CTNNA3: variants seen among roughly 807,000 people sequenced by gnomAD.
The protein encoded by CTNNA3 is catenin alpha 3, also known as catenin alpha-3.
Under a neutral mutation model 95.7 loss-of-function variants are expected in CTNNA3, and 76 were observed. The observed-to-expected ratio is 0.79, with a 90% CI of 0.66 to 0.96. The LOEUF is 0.96. Ranked by LOEUF, CTNNA3 falls within the 40% of genes least tolerant of loss-of-function variation. CTNNA3 has a pLI of 0.00. For missense variants in CTNNA3, 1,191 were observed against 1,089.8 expected (o/e 1.09, Z -1.31); for synonymous variants, 431 against 374.4 (o/e 1.15, Z -1.74).
At chr10:66,100,385 A>G (rs2081573643) in intron 14 of CTNNA3, among the ~76,000 whole-genome samples, 1 of 152,186 alleles carries the variant, frequency 6.6e-6, no homozygotes, top group Non-Finnish European at 1.5e-5. Flanking sequence ...GGGAGCCCCA[A>G]TGCAGGAAGT....
chr10:67,287,925 C>T (rs931479153), intron 5 of CTNNA3, among the ~76,000 whole-genome samples: 10 of 152,110 alleles, frequency 6.6e-5, no homozygotes, highest in Non-Finnish European at 1.5e-4. Flanking sequence ...GCATCTTTGC[C>T]ATCAAATATG....
At chr10:66,375,739 T>A (rs2092792243) in intron 12 of CTNNA3, among the ~76,000 whole-genome samples, 1 of 152,204 alleles carries the variant, frequency 6.6e-6, no homozygotes, top group Admixed American at 6.5e-5. Flanking sequence ...TAAAACTCTA[T>A]CTGTTGCTTA....
chr10:65,952,087 G>C (rs1375042188), intron 17 of CTNNA3, among the ~76,000 whole-genome samples: 1 of 149,262 alleles, frequency 6.7e-6, no homozygotes, highest in African/African-American at 2.5e-5. Flanking sequence ...ATGAATATGA[G>C]ATAGATAGCT....
intron 13 of CTNNA3, among the ~76,000 whole-genome samples, chr10:66,155,964 T>C (rs2084484577): frequency 6.6e-6 from 1 of 151,766 alleles, no homozygotes; most frequent in African/African-American, 2.4e-5. Flanking sequence ...GAACAAAAGA[T>C]TGAAAAGACA....
At chr10:67,473,176 T>A (rs937828997) in intron 5 of CTNNA3, among the ~76,000 whole-genome samples, 1 of 152,202 alleles carries the variant, frequency 6.6e-6, no homozygotes, top group Non-Finnish European at 1.5e-5. Context: ...TGCTTAACTA[T>A]TACAATCTGG....
chr10:67,342,093 TTTC>T (rs1330440655), intron 5 of CTNNA3, among the ~76,000 whole-genome samples: 2 of 121,910 alleles, frequency 1.6e-5, no homozygotes, highest in African/African-American at 5.3e-5. Context: ...TTTATTTATT[TTTC>T]TTCTTTTTTT....
rs916144375 is a variant in CTNNA3 at position 66,966,071 on chromosome 10, C to A, written c.1048-190547G>T. Among the ~76,000 whole-genome samples the A allele has an allele frequency of 7.2e-5, 11 of 152,094 alleles. No homozygotes were observed. In the East Asian group the frequency reaches 1.9e-3, roughly 27 times the overall value. ...TCACTTTGACATATTACTTGAGAGGCCTGTACCTCAGTTTCCTAATTTGTA... is the reference window on the plus strand; with the variant it reads ...TCACTTTGACATATTACTTGAGAGGACTGTACCTCAGTTTCCTAATTTGTA... On this transcript the variant is annotated intron_variant, in intron 7 of 17. Coordinates refer to ENST00000433211, the MANE Select transcript of CTNNA3 (RefSeq NM_013266.4).
chr10:66,494,654 T>C lies in CTNNA3; in HGVS notation c.1531+25963A>G, dbSNP rs1225376915. ...GAAATTGTCTCACCTGACACAGAAA[T>C]TGTTGAGAGTTTGGAAGTTTAGGAC... On this transcript the variant is annotated intron_variant, in intron 11 of 17. Coordinates refer to ENST00000433211, the MANE Select transcript of CTNNA3 (RefSeq NM_013266.4). Among the ~76,000 whole-genome samples, 13 of 152,018 alleles carry C rather than the reference T, an allele frequency of 8.6e-5. 1 individual carries two copies. Among genetic ancestry groups the C allele is most frequent in the Admixed American group, 8.5e-4 (13 of 15,268 alleles).
intron 7 of CTNNA3, among the ~76,000 whole-genome samples, chr10:67,066,559 A>G (rs1856104238): frequency 6.6e-6 from 1 of 151,546 alleles, no homozygotes; most frequent in East Asian, 1.9e-4. Flanking sequence ...AAAGGTACAT[A>G]CACACCAACC....
intron 3 of CTNNA3, among the ~76,000 whole-genome samples, chr10:67,568,131 T>C (rs921806408): frequency 9.2e-5 from 14 of 152,094 alleles, no homozygotes; most frequent in African/African-American, 3.4e-4. Flanking sequence ...ACATACCTCA[T>C]GTGCATAACA....
chr10:66,076,211 C>T (rs1486246529), intron 14 of CTNNA3, among the ~76,000 whole-genome samples: 1 of 151,428 alleles, frequency 6.6e-6, no homozygotes, highest in Non-Finnish European at 1.5e-5. Flanking sequence ...TTAAAATAAG[C>T]CTAGAGGCAT....
intron 12 of CTNNA3, among the ~76,000 whole-genome samples, chr10:66,283,531 C>CA (rs2091530544): frequency 6.6e-6 from 1 of 151,792 alleles, no homozygotes; most frequent in East Asian, 1.9e-4. Context: ...AGGAATCTTA[C>CA]AAAAAAATAC....
chr10:66,567,865 G>C (rs1320398938), intron 10 of CTNNA3, among the ~76,000 whole-genome samples: 4 of 152,268 alleles, frequency 2.6e-5, no homozygotes, highest in Non-Finnish European at 5.9e-5. Context: ...CCCCAGCACA[G>C]CAGTTCTCCA....
chr10:67,514,057 T>A (rs969130506), intron 5 of CTNNA3, among the ~76,000 whole-genome samples: 2 of 152,204 alleles, frequency 1.3e-5, no homozygotes, highest in Non-Finnish European at 2.9e-5. Context: ...ATGCCTCTAA[T>A]CCTTGCACTT....
At chr10:66,609,753 T>C (rs1844261471) in intron 10 of CTNNA3, among the ~76,000 whole-genome samples, 1 of 152,104 alleles carries the variant, frequency 6.6e-6, no homozygotes, top group African/African-American at 2.4e-5. Context: ...GCTGGGTATA[T>C]ATCCAAAGGA....
At chr10:66,861,397 C>T (rs1564730029) in intron 7 of CTNNA3, among the ~76,000 whole-genome samples, 1 of 152,132 alleles carries the variant, frequency 6.6e-6, no homozygotes, top group South Asian at 2.1e-4. Flanking sequence ...ATTCGGTTCA[C>T]TGACATATTA....
intron 15 of CTNNA3, among the ~76,000 whole-genome samples, chr10:66,036,854 T>C (rs1388091368): frequency 6.7e-6 from 1 of 148,654 alleles, no homozygotes; most frequent in Non-Finnish European, 1.5e-5. Context: ...ATTTATATAG[T>C]AGTTCCAATT....
At chr10:67,761,085 C>A (rs1841459618) in intron 1 of CTNNA3, among the ~76,000 whole-genome samples, 1 of 152,144 alleles carries the variant, frequency 6.6e-6, no homozygotes, top group African/African-American at 2.4e-5. Context: ...GACTACAAAC[C>A]TGTACAACAT....
intron 9 of CTNNA3, among the ~76,000 whole-genome samples, chr10:66,720,391 A>C (rs1848589128): frequency 1.3e-5 from 2 of 152,198 alleles, no homozygotes; most frequent in Admixed American, 1.3e-4. Context: ...AGGTCAACTC[A>C]TCCTTTCATT....
Sources: allele counts gnomAD v4.1 joint callset (sites outside exome capture counted in the v4.1 genomes callset), GRCh38; gene constraint gnomAD v4.1.1; transcripts MANE v1.5; gene names NCBI Gene and HGNC (gene_info 2026-07-23, HGNC 2026-07-21).